ADAMTS17: variants seen among roughly 807,000 people sequenced by gnomAD.
ADAMTS17 encodes the protein ADAM metallopeptidase with thrombospondin type 1 motif 17.
A neutral mutation model predicts 141.5 loss-of-function variants in ADAMTS17; 113 were observed. The observed-to-expected ratio is 0.80, with a 90% confidence interval of 0.69 to 0.93. The LOEUF (loss-of-function observed/expected upper bound fraction) is 0.93. Ranked by LOEUF, ADAMTS17 falls within the 40% of genes least tolerant of loss-of-function variation. ADAMTS17 has a pLI of 0.00. For synonymous variants in ADAMTS17, 768 were observed against 630.6 expected (o/e 1.22, Z -3.27); for missense variants, 1,659 against 1,517.9 (o/e 1.09, Z -1.54).
At chr15:100,298,540 T>C (rs1417539895) in intron 3 of ADAMTS17, among the ~76,000 whole-genome samples, 1 of 152,150 alleles carries the variant, frequency 6.6e-6, no homozygotes, top group African/African-American at 2.4e-5. Context: ...CAGAACCGTG[T>C]TGGGCACACA....
At chr15:100,091,022 A>T (rs1429433854) in intron 15 of ADAMTS17, among the ~76,000 whole-genome samples, 3 of 149,148 alleles carry the variant, frequency 2.0e-5, no homozygotes, top group Non-Finnish European at 3.0e-5. Flanking sequence ...AAAAAAAAAA[A>T]AAAAAAGGGT....
In ADAMTS17 at chr15:100,048,638, C is replaced by T. The variant is rs188203256; in HGVS notation, c.2591+219G>A. Among the ~76,000 whole-genome samples, 11 of 127,458 alleles carry T rather than the reference C, an allele frequency of 8.6e-5. No individual in the cohort carries two copies. In the East Asian group the frequency reaches 2.6e-3, roughly 30 times the overall value. The allele number at this position is 127,458 out of a possible 152,430, so 83.6% of individuals were successfully genotyped here. A position where few individuals can be genotyped will look rare whatever the true frequency, so the allele number is the denominator to read the frequency against. On this transcript the variant is annotated intron_variant, in intron 18 of 21. Transcript: ENST00000268070. ...TTTGCCATGAGATGTTACTAATGGTCTCCTACACAATGCCTTCCAGTGAAG... is the reference window on the plus strand; with the variant it reads ...TTTGCCATGAGATGTTACTAATGGTTTCCTACACAATGCCTTCCAGTGAAG...
intron 15 of ADAMTS17, among the ~76,000 whole-genome samples, chr15:100,079,235 G>C (rs11853226): frequency 2.0e-5 from 3 of 152,008 alleles, no homozygotes; most frequent in Non-Finnish European, 2.9e-5. Flanking sequence ...TGTCCACATG[G>C]TAACTCGTAC....
Position 100,155,602 on chromosome 15 carries a change from G to A in ADAMTS17, c.1182-282C>T, listed in dbSNP as rs554671373. Reference sequence around the variant, plus strand: ...AGTATATTAACTCTGATAATTAACTGTGACATGATAATTCTTAAACTTTAA... The same window carrying A: ...AGTATATTAACTCTGATAATTAACTATGACATGATAATTCTTAAACTTTAA... On this transcript the variant is annotated intron_variant, in intron 8 of 21. Coordinates refer to ENST00000268070, the MANE Select transcript of ADAMTS17 (RefSeq NM_139057.4). Among the ~76,000 whole-genome samples the A allele has an allele frequency of 5.3e-5, 8 of 152,344 alleles. No homozygotes were observed. The East Asian group carries it at 1.3e-3, about 26-fold the overall frequency.
At chr15:100,062,401 C>T (rs143476373) in intron 15 of ADAMTS17, among the ~76,000 whole-genome samples, 329 of 152,314 alleles carry the variant, frequency 2.2e-3, no homozygotes, top group African/African-American at 7.7e-3. Flanking sequence ...TGGAAATGGG[C>T]ATGCCTGCCT....
intron 2 of ADAMTS17, among the ~76,000 whole-genome samples, chr15:100,338,731 C>T (rs1398297692): frequency 6.6e-6 from 1 of 152,136 alleles, no homozygotes; most frequent in Admixed American, 6.5e-5. Flanking sequence ...CACCTTATAG[C>T]CGAGCCTGTC....
intron 7 of ADAMTS17, among the ~76,000 whole-genome samples, chr15:100,244,309 ATCAG>A (rs2042920679): frequency 6.8e-6 from 1 of 147,276 alleles, no homozygotes. Context: ...GCCAAACCGT[ATCAG>A]TAAGTCACTC....
chr15:100,233,066 C>T (rs374147746), intron 7 of ADAMTS17, among the ~76,000 whole-genome samples: 8 of 152,312 alleles, frequency 5.3e-5, no homozygotes, highest in South Asian at 2.1e-4. Flanking sequence ...CGGTGGCTCA[C>T]GCCTATAATC....
intron 2 of ADAMTS17, among the ~76,000 whole-genome samples, chr15:100,335,197 G>A (rs564550868): frequency 8.0e-4 from 122 of 152,226 alleles, no homozygotes; most frequent in African/African-American, 2.6e-3. Flanking sequence ...GGACTGTAAC[G>A]CCGGCTCAAG....
At chr15:100,008,496 G>C (rs2061084794) in intron 18 of ADAMTS17, among the ~76,000 whole-genome samples, 4 of 152,224 alleles carry the variant, frequency 2.6e-5, no homozygotes, top group Non-Finnish European at 5.9e-5. Context: ...GGGCAGCCAA[G>C]GGGAAGGAGG....
chr15:100,164,358 A>G lies in ADAMTS17; in HGVS notation c.1182-9038T>C, dbSNP rs112279470. Among the ~76,000 whole-genome samples the G allele has an allele frequency of 7.1e-3, 1,074 of 151,064 alleles. 14 individuals are homozygous for G. The highest frequency in any genetic ancestry group is 0.024 in the African/African-American group (971 of 41,030). The stretch of plus-strand genomic sequence containing the variant: ...CATACCTCTGAGCCTTAGTTTCCTC[A>G]TCTATGACTAAACAGGGATAATAAT... On this transcript the variant is annotated intron_variant, in intron 8 of 21. Coordinates refer to ENST00000268070, the MANE Select transcript of ADAMTS17 (RefSeq NM_139057.4).
intron 20 of ADAMTS17, among the ~76,000 whole-genome samples, chr15:99,985,727 C>A (rs1334664740): frequency 6.6e-6 from 1 of 152,216 alleles, no homozygotes; most frequent in Non-Finnish European, 1.5e-5. Flanking sequence ...AGCCATATCA[C>A]CACTCTGAAC....
chr15:100,306,273 G>A (rs912612945), intron 3 of ADAMTS17: 4 of 341,098 alleles, frequency 1.2e-5, no homozygotes, highest in African/African-American at 4.3e-5. Context: ...GTTTCTAACC[G>A]CTTCAGCCAA....
intron 15 of ADAMTS17, among the ~76,000 whole-genome samples, chr15:100,072,434 A>G (rs1461583860): frequency 1.3e-5 from 2 of 150,310 alleles, no homozygotes; most frequent in Non-Finnish European, 3.0e-5. Flanking sequence ...ACCAAAAAAG[A>G]GCCCGCATTG....
intron 13 of ADAMTS17, among the ~76,000 whole-genome samples, chr15:100,114,155 C>A (rs1032713204): frequency 1.9e-4 from 22 of 113,966 alleles, no homozygotes; most frequent in Admixed American, 1.8e-3. Context: ...AGAATTCTTT[C>A]TTCTTTTTTT....
chr15:100,121,999 C>G (rs904741096), intron 12 of ADAMTS17, among the ~76,000 whole-genome samples: 1 of 152,180 alleles, frequency 6.6e-6, no homozygotes, highest in African/African-American at 2.4e-5. Context: ...CTACAAGCCT[C>G]TCCCTCATTC....
intron 3 of ADAMTS17, among the ~76,000 whole-genome samples, chr15:100,303,173 T>TTA (rs200794262): frequency 0.016 from 2,335 of 146,680 alleles, 74 homozygotes; most frequent in African/African-American, 0.055. Flanking sequence ...ATATAAAAAT[T>TTA]TATATATATA....
At chr15:100,222,760 A>G (rs1375391383) in intron 7 of ADAMTS17, among the ~76,000 whole-genome samples, 1 of 152,240 alleles carries the variant, frequency 6.6e-6, no homozygotes, top group African/African-American at 2.4e-5. Flanking sequence ...CCTGCACAAC[A>G]AGAAACTGTT....
intron 20 of ADAMTS17, chr15:99,978,631 G>C (rs953293947): frequency 1.3e-5 from 2 of 152,266 alleles, no homozygotes; most frequent in East Asian, 1.9e-4. Flanking sequence ...GGAGTGCTGA[G>C]GTTGAGGGAT....
Sources: allele counts gnomAD v4.1 joint callset (sites outside exome capture counted in the v4.1 genomes callset), GRCh38; gene constraint gnomAD v4.1.1; transcripts MANE v1.5; gene names NCBI Gene and HGNC (gene_info 2026-07-23, HGNC 2026-07-21).